PDZRN4: variants seen among roughly 807,000 people sequenced by gnomAD.
PDZRN4 encodes the protein PDZ domain containing ring finger 4, also known as PDZ domain-containing RING finger protein 4.
In PDZRN4, 70 loss-of-function variants were observed where a neutral mutation model predicts 99.0. The ratio of observed to expected loss-of-function variants is 0.71; its 90% CI spans 0.58 to 0.86. The LOEUF (loss-of-function observed/expected upper bound fraction) is 0.86, where lower values mean the gene tolerates loss of function less well. Among genes scored for constraint, PDZRN4 ranks in the 40% least tolerant of loss-of-function variants. The probability of loss-of-function intolerance (pLI) is 0.00; values close to 1 mark genes in which losing one functional copy is unlikely to be tolerated. For synonymous variants in PDZRN4, 551 were observed against 501.6 expected (o/e 1.10, Z -1.32); for missense variants, 1,474 against 1,331.2 (o/e 1.11, Z -1.67).
chr12:41,306,731 G>A (rs1344182614), intron 3 of PDZRN4, among the ~76,000 whole-genome samples: 3 of 152,130 alleles, frequency 2.0e-5, no homozygotes, highest in African/African-American at 7.2e-5. Context: ...GAAGCAGTCA[G>A]GAGAAACCAA....
At chr12:41,359,835 C>G (rs1282865110) in intron 3 of PDZRN4, among the ~76,000 whole-genome samples, 1 of 151,932 alleles carries the variant, frequency 6.6e-6, no homozygotes, top group Non-Finnish European at 1.5e-5. Context: ...AAGCAAGGTA[C>G]CTTATCTATT....
chr12:41,307,115 T>C (rs1406254070), intron 3 of PDZRN4, among the ~76,000 whole-genome samples: 14 of 152,166 alleles, frequency 9.2e-5, no homozygotes, highest in Admixed American at 9.2e-4. Context: ...GCTTCAAAAT[T>C]TTTTTCAGTA....
chr12:41,504,071 C>A (rs1018741934), intron 3 of PDZRN4, among the ~76,000 whole-genome samples: 2 of 151,964 alleles, frequency 1.3e-5, no homozygotes, highest in Admixed American at 6.6e-5. Context: ...GAGTTAGAGA[C>A]CATCCTGGCC....
At chr12:41,222,358 C>T (rs749516634) in intron 3 of PDZRN4, among the ~76,000 whole-genome samples, 19 of 152,158 alleles carry the variant, frequency 1.2e-4, no homozygotes, top group Admixed American at 4.6e-4. Context: ...AGACTGCTAT[C>T]TGCCCTTAGG....
At chr12:41,567,448 G>C (rs374941028) in intron 8 of PDZRN4, among the ~76,000 whole-genome samples, 1 of 152,112 alleles carries the variant, frequency 6.6e-6, no homozygotes, top group Non-Finnish European at 1.5e-5. Context: ...CTTTTAACAC[G>C]GGACTGTTGG....
At chr12:41,400,190 C>A (rs990630134) in intron 3 of PDZRN4, among the ~76,000 whole-genome samples, 3 of 152,144 alleles carry the variant, frequency 2.0e-5, no homozygotes, top group African/African-American at 7.2e-5. Context: ...TTTCTAGCAG[C>A]TTTTTCTCCC....
chr12:41,330,490 TAA>T (rs201298001), intron 3 of PDZRN4, among the ~76,000 whole-genome samples: 12,102 of 139,458 alleles, frequency 0.087, 546 homozygotes, highest in Middle Eastern at 0.15. Flanking sequence ...TCTAATATGG[TAA>T]AAAAAAAAAA....
chr12:41,437,024 A>G (rs1017570072), intron 3 of PDZRN4, among the ~76,000 whole-genome samples: 7 of 152,222 alleles, frequency 4.6e-5, no homozygotes, highest in Non-Finnish European at 7.3e-5. Flanking sequence ...TGCTACAAAT[A>G]TATACTCAAT....
intron 3 of PDZRN4, among the ~76,000 whole-genome samples, chr12:41,294,452 G>A (rs1951477060): frequency 6.6e-6 from 1 of 152,130 alleles, no homozygotes; most frequent in Middle Eastern, 3.4e-3. Flanking sequence ...TGATTTCAAT[G>A]GATAAAAATA....
At chr12:41,352,624 A>T (rs1451303297) in intron 3 of PDZRN4, among the ~76,000 whole-genome samples, 1 of 152,188 alleles carries the variant, frequency 6.6e-6, no homozygotes, top group Non-Finnish European at 1.5e-5. Context: ...ATAGGAAATC[A>T]GCTCACTTAT....
At chr12:41,571,372 TCTCTCACACACACA>T (rs1939474535) in intron 9 of PDZRN4, among the ~76,000 whole-genome samples, 1 of 103,720 alleles carries the variant, frequency 9.6e-6, no homozygotes, top group Admixed American at 9.9e-5. Context: ...TCTCTCTCTC[TCTCTCACACACACA>T]CACACACACA....
At chr12:41,284,247 A>G (rs1307820548) in intron 3 of PDZRN4, among the ~76,000 whole-genome samples, 1 of 152,194 alleles carries the variant, frequency 6.6e-6, no homozygotes, top group Admixed American at 6.5e-5. Flanking sequence ...ATCATGAGCA[A>G]ACTCCCATTC....
intron 3 of PDZRN4, among the ~76,000 whole-genome samples, chr12:41,323,379 A>G (rs968041767): frequency 2.8e-4 from 43 of 152,294 alleles, no homozygotes; most frequent in African/African-American, 8.7e-4. Context: ...TTACATTTAC[A>G]TAAGATCTTT....
intron 7 of PDZRN4, among the ~76,000 whole-genome samples, chr12:41,556,530 TA>T (rs1293035765): frequency 6.6e-6 from 1 of 152,206 alleles, no homozygotes; most frequent in African/African-American, 2.4e-5. Context: ...AAAGGTATAG[TA>T]AAAGCATGGT....
intron 3 of PDZRN4, among the ~76,000 whole-genome samples, chr12:41,422,234 A>G (rs983875103): frequency 2.6e-5 from 4 of 152,198 alleles, no homozygotes; most frequent in African/African-American, 9.6e-5. Context: ...ATGCACACAT[A>G]ACTTATCTTC....
At chr12:41,414,660 C>T (rs1952428672) in intron 3 of PDZRN4, among the ~76,000 whole-genome samples, 1 of 151,572 alleles carries the variant, frequency 6.6e-6, no homozygotes, top group Non-Finnish European at 1.5e-5. Flanking sequence ...TATCTAAAAC[C>T]TAAAAACTAA....
At chr12:41,338,734 A>G (rs1460549091) in intron 3 of PDZRN4, among the ~76,000 whole-genome samples, 1 of 152,034 alleles carries the variant, frequency 6.6e-6, no homozygotes, top group Non-Finnish European at 1.5e-5. Context: ...GACACATACA[A>G]GCTACCAAGA....
intron 5 of PDZRN4, among the ~76,000 whole-genome samples, chr12:41,548,932 T>C (rs1939006526): frequency 6.6e-6 from 1 of 152,238 alleles, no homozygotes; most frequent in South Asian, 2.1e-4. Context: ...TCAACCTATA[T>C]ATAATCAATT....
chr12:41,538,326 G>C (rs1938784801), intron 5 of PDZRN4, among the ~76,000 whole-genome samples: 1 of 152,016 alleles, frequency 6.6e-6, no homozygotes, highest in African/African-American at 2.4e-5. Context: ...TGATCATTTT[G>C]CTTTTTATAA....
Sources: gnomAD v4.1 joint callset for allele counts (sites outside exome capture counted in the v4.1 genomes callset) on GRCh38, gnomAD v4.1.1 for gene constraint, MANE v1.5 for transcripts, NCBI Gene and HGNC (gene_info 2026-07-23, HGNC 2026-07-21) for gene names.